Variants in ROBO1 observed in about 807,000 individuals in gnomAD.
ROBO1 encodes the protein roundabout guidance receptor 1.
Under a neutral mutation model 195.9 loss-of-function variants are expected in ROBO1, and 149 were observed. The ratio of observed to expected loss-of-function variants is 0.76; its 90% confidence interval spans 0.67 to 0.87. ROBO1 has a LOEUF of 0.87. ROBO1 is among the 40% of genes least tolerant of loss of function. ROBO1 has a pLI of 0.00. For synonymous variants in ROBO1, 816 were observed against 733.2 expected, an observed-to-expected ratio of 1.11 and a Z score of -1.82; for missense variants, 1,933 against 2,068.3, an observed-to-expected ratio of 0.93 and a Z score of 1.27.
chr3:79,265,038 G>A (rs2083012467), intron 2 of ROBO1, among the ~76,000 whole-genome samples: 1 of 151,848 alleles, frequency 6.6e-6, no homozygotes, highest in African/African-American at 2.4e-5. Flanking sequence ...TTGAATCTTG[G>A]TGCTTCTACA....
intron 2 of ROBO1, among the ~76,000 whole-genome samples, chr3:79,453,879 C>A (rs1241504782): frequency 6.6e-6 from 1 of 152,106 alleles, no homozygotes; most frequent in Non-Finnish European, 1.5e-5. Flanking sequence ...GAGAAGAAGG[C>A]TCTGACAACA....
At chr3:78,857,436 G>A (rs750473698) in intron 4 of ROBO1, among the ~76,000 whole-genome samples, 8 of 152,108 alleles carry the variant, frequency 5.3e-5, no homozygotes, top group Non-Finnish European at 1.2e-4. Context: ...TCCTTATTCT[G>A]AGTGTGGTAT....
chr3:78,670,077 A>C lies in ROBO1; in HGVS notation c.1548+19T>G, dbSNP rs371176806. On this transcript the variant is annotated intron_variant, in intron 11 of 30. Transcript: ENST00000464233. ...AAAGTGAAACAAAACAAGAAACGCAAGGTGCCATTCCAAGTTACCTTAGCA... is the reference window on the plus strand; with the variant it reads ...AAAGTGAAACAAAACAAGAAACGCACGGTGCCATTCCAAGTTACCTTAGCA... The C allele has an allele frequency of 1.0e-4, 156 of 1,559,686 alleles. No homozygotes were observed. The highest frequency in any genetic ancestry group is 5.1e-4 in the Middle Eastern group (3 of 5,858).
At chr3:79,590,463 T>C (rs1943964644) in intron 1 of ROBO1, among the ~76,000 whole-genome samples, 2 of 151,780 alleles carry the variant, frequency 1.3e-5, no homozygotes, top group South Asian at 4.1e-4. Context: ...CACAAACAGA[T>C]TTTAAAAATT....
At chr3:79,345,105 T>G (rs2109240740) in intron 2 of ROBO1, among the ~76,000 whole-genome samples, 1 of 152,278 alleles carries the variant, frequency 6.6e-6, no homozygotes, top group African/African-American at 2.4e-5. Context: ...AGGGATAATC[T>G]ATATGTGATT....
intron 2 of ROBO1, among the ~76,000 whole-genome samples, chr3:79,139,202 C>T (rs2080473483): frequency 6.6e-6 from 1 of 151,722 alleles, no homozygotes. Context: ...ATAAAATACA[C>T]TATTGCAATA....
intron 8 of ROBO1, among the ~76,000 whole-genome samples, chr3:78,711,423 CTTTCT>C (rs1559773825): frequency 3.8e-5 from 4 of 105,470 alleles, no homozygotes; most frequent in African/African-American, 1.6e-4. Flanking sequence ...TTCTTTCTTT[CTTTCT>C]TTCTTTCTTT....
Position 78,633,983 on chromosome 3 carries a change from T to C in ROBO1, c.3433A>G (p.Asn1145Asp). 3 of 1,613,110 alleles carry C rather than the reference T, an allele frequency of 1.9e-6. No homozygotes were observed. The highest frequency in any genetic ancestry group is 2.2e-5 in the East Asian group (1 of 44,830). The change falls in exon 24 of 31, where the codon AAC becomes GAC. Residue 1145 changes from asparagine to aspartate, a missense_variant. Physicochemically the swap from Asn to Asp is conservative, Grantham distance 23. Coordinates refer to ENST00000464233, the MANE Select transcript of ROBO1 (RefSeq NM_002941.4). ...GAGCTGTTGTAGGATCCTCCTGTGT[T>C]CTGGTCGTATGATTGGTTGTATGGG... is the stretch of plus-strand genomic sequence containing the variant. ...TIPYNQSYDQ[N>D]TGGSYNSSDR...
At chr3:79,291,613 C>A (rs1159142771) in intron 2 of ROBO1, among the ~76,000 whole-genome samples, 1 of 152,218 alleles carries the variant, frequency 6.6e-6, no homozygotes, top group African/African-American at 2.4e-5. Flanking sequence ...ATTTCAACAA[C>A]AAGGGCTATT....
intron 2 of ROBO1, among the ~76,000 whole-genome samples, chr3:79,212,823 A>AAAAAT (rs1225741290): frequency 1.3e-5 from 2 of 149,858 alleles, no homozygotes; most frequent in South Asian, 2.1e-4. Flanking sequence ...CTGTCTCAGA[A>AAAAAT]AAAATAAAAT....
chr3:78,668,650 C>G, intron 11 of ROBO1, 85 bp from the exon 12 acceptor site: 1 of 1,150,808 alleles, frequency 8.7e-7, no homozygotes, highest in Non-Finnish European at 1.3e-6. Flanking sequence ...GTATATGATC[C>G]ATGAATATGG....
intron 2 of ROBO1, among the ~76,000 whole-genome samples, chr3:79,232,082 A>C (rs2082330095): frequency 6.6e-6 from 1 of 152,008 alleles, no homozygotes. Flanking sequence ...CAAGAGGATC[A>C]GGGAAAATAA....
At chr3:78,724,019 G>A (rs1039209302) in intron 5 of ROBO1, among the ~76,000 whole-genome samples, 1 of 152,032 alleles carries the variant, frequency 6.6e-6, no homozygotes, top group African/African-American at 2.4e-5. Flanking sequence ...CCCCAAAGTA[G>A]ATGATACAAA....
chr3:78,697,661 C>T (rs1575960175), intron 8 of ROBO1, among the ~76,000 whole-genome samples: 1 of 152,096 alleles, frequency 6.6e-6, no homozygotes, highest in South Asian at 2.1e-4. Flanking sequence ...TCCATTAGGC[C>T]ACAACAGTTT....
chr3:78,737,909 T>G (rs571589403), intron 5 of ROBO1, among the ~76,000 whole-genome samples: 67 of 152,330 alleles, frequency 4.4e-4, no homozygotes, highest in Middle Eastern at 3.4e-3. Context: ...TCCTTTGACC[T>G]TCACACAACA....
At chr3:79,062,171 T>G (rs982639073) in intron 3 of ROBO1, among the ~76,000 whole-genome samples, 2 of 151,520 alleles carry the variant, frequency 1.3e-5, no homozygotes, top group Non-Finnish European at 2.9e-5. Context: ...AACAAACCCA[T>G]CAAAAAGTGG....
chr3:79,595,775 G>A (rs537346058), intron 1 of ROBO1, among the ~76,000 whole-genome samples: 37 of 147,862 alleles, frequency 2.5e-4, no homozygotes, highest in African/African-American at 8.5e-4. Context: ...AGATGGTCTC[G>A]AACTTCTGGC....
chr3:78,637,323 T>C (rs543333042), intron 22 of ROBO1, among the ~76,000 whole-genome samples: 5 of 152,304 alleles, frequency 3.3e-5, no homozygotes, highest in African/African-American at 1.2e-4. Context: ...TTGTGATTCT[T>C]ATTTCTAATT....
intron 1 of ROBO1, among the ~76,000 whole-genome samples, chr3:79,735,898 CAA>C (rs1703362419): frequency 7.5e-6 from 1 of 132,522 alleles, no homozygotes; most frequent in Non-Finnish European, 1.6e-5. Flanking sequence ...AAAAAAAAAA[CAA>C]AAAATGCCTG....
Sources: gnomAD v4.1 joint callset for allele counts (sites outside exome capture counted in the v4.1 genomes callset) on GRCh38, gnomAD v4.1.1 for gene constraint, MANE v1.5 for transcripts, NCBI Gene and HGNC (gene_info 2026-07-23, HGNC 2026-07-21) for gene names.